Variants in NEMF observed in about 807,000 individuals in gnomAD.
NEMF encodes the protein ribosome quality control complex subunit NEMF.
Under a neutral mutation model 162.2 loss-of-function variants are expected in NEMF, and 89 were observed. That is an observed-to-expected ratio of 0.55 (90% CI 0.46 to 0.65). The LOEUF (loss-of-function observed/expected upper bound fraction) is 0.65. Ranked by LOEUF, NEMF falls within the 30% of genes least tolerant of loss-of-function variation. The pLI, the probability that NEMF is intolerant of heterozygous loss-of-function variation, is 0.00. For missense variants in NEMF, 1,133 were observed against 1,261.9 expected (o/e 0.90, Z 1.55); for synonymous variants, 421 against 404.5 (o/e 1.04, Z -0.49).
rs1594778190 is a variant in NEMF at position 49,826,083 on chromosome 14, C to A, written c.1489-128G>T. The A allele has an allele frequency of 1.4e-5, 6 of 442,204 alleles. 1 individual carries two copies. The highest frequency in any genetic ancestry group is 4.1e-6 in the Non-Finnish European group (1 of 244,346). The allele number at this position is 442,204 out of a possible 1,614,324, so 27.4% of individuals were successfully genotyped here. On this transcript the variant is annotated intron_variant, in intron 15 of 32. Transcript: ENST00000298310. ...CACAATCTACACACACACACACAAA[C>A]ACACACACACACAAATACGCATACT...
intron 16 of NEMF, chr14:49,820,471 T>A (rs1891949080): frequency 2.2e-6 from 1 of 456,516 alleles, no homozygotes; most frequent in Non-Finnish European, 4.4e-6. Flanking sequence ...AAGTATTGTA[T>A]CAAGAGCTAA....
At chr14:49,794,703 T>G (rs2139839951) in intron 26 of NEMF, among the ~76,000 whole-genome samples, 1 of 143,720 alleles carries the variant, frequency 7.0e-6, no homozygotes, top group East Asian at 2.1e-4. Context: ...TCCCCTCATT[T>G]TTATACTGCT....
chr14:49,820,757 G>A (rs1341470400), intron 16 of NEMF, among the ~76,000 whole-genome samples: 1 of 152,110 alleles, frequency 6.6e-6, no homozygotes, highest in Non-Finnish European at 1.5e-5. Flanking sequence ...GCCTGCGATT[G>A]CAGGTGCGTG....
chr14:49,813,662 G>GGGGTGT (rs892212697), intron 18 of NEMF, among the ~76,000 whole-genome samples: 29 of 148,670 alleles, frequency 2.0e-4, no homozygotes, highest in African/African-American at 6.4e-4. Context: ...TTTTTTATTA[G>GGGGTGT]GTGTGTGTGT....
chr14:49,827,506 G>C (rs1212106402), intron 15 of NEMF, among the ~76,000 whole-genome samples: 2 of 152,080 alleles, frequency 1.3e-5, no homozygotes, highest in Non-Finnish European at 2.9e-5. Flanking sequence ...GATTCAAAAG[G>C]ATCACAACGG....
At chr14:49,834,684 T>A (rs1892811650) in intron 6 of NEMF, among the ~76,000 whole-genome samples, 1 of 152,156 alleles carries the variant, frequency 6.6e-6, no homozygotes, top group Non-Finnish European at 1.5e-5. Context: ...GGTTTCACCA[T>A]GTTGTCCAGG....
At chr14:49,786,873 AG>A in intron 28 of NEMF, 123 bp from the exon 29 acceptor site, 2 of 817,744 alleles carry the variant, frequency 2.4e-6, no homozygotes, top group Non-Finnish European at 1.9e-6. Context: ...CCCACAGGAT[AG>A]GGGGCCTCAA....
At position 49,782,923 on chromosome 14, in the gene NEMF, G is replaced by A; in HGVS notation, c.*1713C>T. 1 of 1,613,478 alleles carries A rather than the reference G, an allele frequency of 6.2e-7. No homozygotes were observed. Among genetic ancestry groups the A allele is most frequent in the Non-Finnish European group, 8.5e-7 (1 of 1,179,708 alleles). On this transcript the variant is annotated 3_prime_UTR_variant, in exon 33 of 33. Transcript: ENST00000298310. ...ACTTACTTCACAGTGTTAATCAGAGGTTTGGTAGTAACAACACTTCTGGAT... is the reference window on the plus strand; with the variant it reads ...ACTTACTTCACAGTGTTAATCAGAGATTTGGTAGTAACAACACTTCTGGAT...
chr14:49,813,990 G>GGATTATAA lies in NEMF; in HGVS notation c.1741_1742insTTATAATC (p.Thr581IlefsTer13). ...CTGAATAGAAAGAAATATATTACCT[G>GGATTATAA]TTGGATTCTTAATTACACAGCTAGT... On this transcript the variant is annotated frameshift_variant, in exon 18 of 33. Coordinates refer to ENST00000298310, the MANE Select transcript of NEMF (RefSeq NM_004713.6). LOFTEE classifies it high-confidence loss of function. 6.7e-7 allele frequency: 1 copy of GGATTATAA among 1,484,130 alleles called. No homozygotes were observed. Among genetic ancestry groups the GGATTATAA allele is most frequent in the Non-Finnish European group, 9.4e-7 (1 of 1,061,728 alleles). 91.9% of individuals were successfully genotyped at this position (1,484,130 alleles called of 1,614,324 possible).
chr14:49,838,580 GT>G (rs1332877658), intron 5 of NEMF, among the ~76,000 whole-genome samples: 1 of 139,230 alleles, frequency 7.2e-6, no homozygotes, highest in Non-Finnish European at 1.6e-5. Flanking sequence ...CTTTTTTTTT[GT>G]TTGGTTTTTT....
chr14:49,847,593 T>C (rs543891366), intron 3 of NEMF, among the ~76,000 whole-genome samples: 2 of 152,274 alleles, frequency 1.3e-5, no homozygotes, highest in East Asian at 1.9e-4. Context: ...AATTAATTAA[T>C]TGTTTCCACT....
At chr14:49,837,998 C>G (rs1018904813) in intron 6 of NEMF, 141 bp downstream of exon 6, 12 of 552,828 alleles carry the variant, frequency 2.2e-5, no homozygotes, top group Non-Finnish European at 3.4e-5. Flanking sequence ...GGTTTAACTT[C>G]TCTTTCTTTG....
At chr14:49,828,990 A>C in intron 13 of NEMF, 64 bp downstream of exon 13, 1 of 1,474,084 alleles carries the variant, frequency 6.8e-7, no homozygotes, top group South Asian at 1.2e-5. Context: ...TGTTTAATAC[A>C]GTGAACAATT....
intron 3 of NEMF, chr14:49,849,537 TTGTC>T (rs1483615561): frequency 6.6e-6 from 1 of 152,234 alleles, no homozygotes; most frequent in Non-Finnish European, 1.5e-5. Context: ...GTGCTTAACA[TTGTC>T]TGCTCCATTG....
intron 18 of NEMF, among the ~76,000 whole-genome samples, chr14:49,809,330 G>A (rs1395000085): frequency 6.6e-6 from 1 of 152,056 alleles, no homozygotes; most frequent in Non-Finnish European, 1.5e-5. Flanking sequence ...ATATTATTCA[G>A]GGATAAAAAG....
chr14:49,803,361 A>G, intron 19 of NEMF, 67 bp from the exon 20 acceptor site: 1 of 1,140,162 alleles, frequency 8.8e-7, no homozygotes, highest in Non-Finnish European at 1.3e-6. Context: ...TTTCCACTTG[A>G]GGAGAAAGTA....
In NEMF at chr14:49,782,944, T is replaced by G. The variant is rs775816397; in HGVS notation, c.*1692A>C. On this transcript the variant is annotated 3_prime_UTR_variant, in exon 33 of 33. Transcript: ENST00000298310. ...AGAGGTTTGGTAGTAACAACACTTC[T>G]GGATCTTAAGGCTTCATAAATAATG... The G allele has an allele frequency of 6.8e-6, 11 of 1,612,748 alleles. No homozygotes were observed. In the South Asian group the frequency reaches 9.9e-5, roughly 15 times the overall value.
rs199687916 is a variant in NEMF, at chr14:49,789,165, T to C, written c.2876A>G (p.Asp959Gly). 3.1e-6 allele frequency: 5 copies of C among 1,613,904 alleles called. No individual in the cohort carries two copies. In the East Asian group the frequency reaches 8.9e-5, roughly 29 times the overall value. ...ITHELQDFAVDDPHDDKEEQD... is the reference protein window; with the variant it reads ...ITHELQDFAVGDPHDDKEEQD... Reference sequence around the variant, plus strand: ...CCATACCTTGTCATCATGTGGATCATCTACAGCAAAGTCTTGTAACTCATG... The same window carrying C: ...CCATACCTTGTCATCATGTGGATCACCTACAGCAAAGTCTTGTAACTCATG... Residue 959 changes from aspartate (D) to glycine (G), a missense_variant, in exon 28 of 33, where the codon GAT becomes GGT. Coordinates refer to ENST00000298310, the MANE Select transcript of NEMF (RefSeq NM_004713.6).
intron 26 of NEMF, among the ~76,000 whole-genome samples, chr14:49,791,720 G>T (rs1317111482): frequency 4.5e-5 from 6 of 134,388 alleles, no homozygotes; most frequent in Non-Finnish European, 9.4e-5. Context: ...CTGGGCAACA[G>T]AGCGAGACTC....
Sources: gnomAD v4.1 joint callset for allele counts (sites outside exome capture counted in the v4.1 genomes callset) on GRCh38, gnomAD v4.1.1 for gene constraint, MANE v1.5 for transcripts, NCBI Gene and HGNC (gene_info 2026-07-23, HGNC 2026-07-21) for gene names.